The following ABTB3 variants were observed in gnomAD, a reference collection of about 807,000 sequenced individuals.
The protein encoded by ABTB3 is ankyrin repeat- and BTB/POZ domain-containing protein 3.
chr12:107,651,560 G>A, the ABTB3 span: 19 of 649,870 alleles, frequency 2.9e-5, no homozygotes, highest in Middle Eastern at 7.6e-4. Context: ...TCCCCTACCT[G>A]TGACACTGCT....
the ABTB3 span, among the ~76,000 whole-genome samples, chr12:107,614,640 G>A: frequency 6.6e-6 from 1 of 152,160 alleles, no homozygotes; most frequent in Non-Finnish European, 1.5e-5. Context: ...CATTGTAACT[G>A]CCATTACAGC....
the ABTB3 span, among the ~76,000 whole-genome samples, chr12:107,363,160 C>T: frequency 3.3e-5 from 5 of 152,322 alleles, no homozygotes; most frequent in African/African-American, 9.6e-5. Context: ...CCCCTCACTG[C>T]GTTGGGGCAG....
chr12:107,424,231 C>A, the ABTB3 span, among the ~76,000 whole-genome samples: 1 of 152,186 alleles, frequency 6.6e-6, no homozygotes, highest in African/African-American at 2.4e-5. Flanking sequence ...ATCCTGGAGA[C>A]CCTGGGGTCT....
chr12:107,549,476 G>T, the ABTB3 span, among the ~76,000 whole-genome samples: 1 of 152,220 alleles, frequency 6.6e-6, no homozygotes, highest in Non-Finnish European at 1.5e-5. Context: ...TCTAAGGAAT[G>T]TAAATCAGAA....
chr12:107,375,072 C>G, the ABTB3 span, among the ~76,000 whole-genome samples: 1 of 152,136 alleles, frequency 6.6e-6, no homozygotes, highest in Non-Finnish European at 1.5e-5. Context: ...GACTGAGGAA[C>G]CTCCCTGAAA....
At chr12:107,439,117 CCA>C in the ABTB3 span, among the ~76,000 whole-genome samples, 3 of 152,080 alleles carry the variant, frequency 2.0e-5, no homozygotes, top group African/African-American at 7.3e-5. Flanking sequence ...AGACAGTCAC[CCA>C]CACACATGAA....
the ABTB3 span, among the ~76,000 whole-genome samples, chr12:107,652,492 G>C: frequency 1.3e-5 from 2 of 152,150 alleles, no homozygotes; most frequent in Admixed American, 6.5e-5. Context: ...TCTCAGATGG[G>C]GCCAAGATTG....
the ABTB3 span, among the ~76,000 whole-genome samples, chr12:107,416,879 T>C: frequency 2.0e-5 from 3 of 152,196 alleles, no homozygotes; most frequent in Non-Finnish European, 2.9e-5. Context: ...GTAATCCTCC[T>C]ACTTCGGCCT....
chr12:107,419,556 A>T, the ABTB3 span, among the ~76,000 whole-genome samples: 1 of 152,224 alleles, frequency 6.6e-6, no homozygotes, highest in South Asian at 2.1e-4. Context: ...ACCTCCTCTG[A>T]GACAACTGTT....
At chr12:107,326,703 C>A in the ABTB3 span, among the ~76,000 whole-genome samples, 1 of 152,176 alleles carries the variant, frequency 6.6e-6, no homozygotes, top group East Asian at 1.9e-4. Context: ...GGTCCAGGGA[C>A]CCATGAGGCA....
the ABTB3 span, among the ~76,000 whole-genome samples, chr12:107,496,701 C>T: frequency 6.6e-6 from 1 of 152,170 alleles, no homozygotes; most frequent in Non-Finnish European, 1.5e-5. Context: ...TGGAGACATA[C>T]CAACTCATAC....
At chr12:107,341,365 G>A in the ABTB3 span, among the ~76,000 whole-genome samples, 1 of 152,186 alleles carries the variant, frequency 6.6e-6, no homozygotes, top group African/African-American at 2.4e-5. Context: ...CAGTGAATGA[G>A]AATGCCACTG....
chr12:107,356,601 G>A, the ABTB3 span, among the ~76,000 whole-genome samples: 1 of 152,158 alleles, frequency 6.6e-6, no homozygotes, highest in African/African-American at 2.4e-5. Flanking sequence ...GATCCCTGAT[G>A]GAAAAATTAG....
At chr12:107,456,345 C>T in the ABTB3 span, among the ~76,000 whole-genome samples, 2 of 152,226 alleles carry the variant, frequency 1.3e-5, no homozygotes, top group African/African-American at 4.8e-5. Flanking sequence ...AGCGAAGCTT[C>T]ATCTGTATTT....
the ABTB3 span, chr12:107,318,737 A>T: frequency 9.0e-6 from 5 of 556,776 alleles, no homozygotes; most frequent in Non-Finnish European, 1.5e-5. Context: ...ACTCTGGAAG[A>T]TGACTCCAGG....
At chr12:107,552,392 C>A in the ABTB3 span, among the ~76,000 whole-genome samples, 199 of 152,314 alleles carry the variant, frequency 1.3e-3, 2 homozygotes, top group African/African-American at 4.4e-3. Flanking sequence ...AAAGAAGGAA[C>A]TTTGAATGAC....
At chr12:107,506,888 T>C in the ABTB3 span, among the ~76,000 whole-genome samples, 2 of 152,192 alleles carry the variant, frequency 1.3e-5, no homozygotes, top group Non-Finnish European at 2.9e-5. Context: ...AAGAAACTAA[T>C]AATAGGGGTT....
At chr12:107,467,258 G>A in the ABTB3 span, among the ~76,000 whole-genome samples, 1 of 152,100 alleles carries the variant, frequency 6.6e-6, no homozygotes, top group Non-Finnish European at 1.5e-5. Context: ...CATCCGCACA[G>A]CTGTCTGTTT....
the ABTB3 span, among the ~76,000 whole-genome samples, chr12:107,442,074 T>A: frequency 1.3e-5 from 2 of 152,000 alleles, no homozygotes; most frequent in Non-Finnish European, 2.9e-5. Context: ...GGAATCAATG[T>A]TTTTTAAACA....
Sources: gnomAD v4.1 joint callset for allele counts (sites outside exome capture counted in the v4.1 genomes callset) on GRCh38, gnomAD v4.1.1 for gene constraint, MANE v1.5 for transcripts, NCBI Gene and HGNC (gene_info 2026-07-23, HGNC 2026-07-21) for gene names.